PCDH15: variants seen among roughly 807,000 people sequenced by gnomAD.
The protein encoded by PCDH15 is protocadherin related 15.
In PCDH15, 129 loss-of-function variants were observed where a neutral mutation model predicts 178.5. The observed-to-expected ratio is 0.72, with a 90% CI of 0.63 to 0.84. The LOEUF (loss-of-function observed/expected upper bound fraction) is 0.84, where lower values mean the gene tolerates loss of function less well. PCDH15 is among the 40% of genes least tolerant of loss of function. PCDH15 has a pLI of 0.00. For synonymous variants in PCDH15, 800 were observed against 732.0 expected, an observed-to-expected ratio of 1.09 and a Z score of -1.50; for missense variants, 2,230 against 2,099.9, an observed-to-expected ratio of 1.06 and a Z score of -1.21.
chr10:54,738,905 G>A (rs550575992), intron 1 of PCDH15, among the ~76,000 whole-genome samples: 8 of 152,012 alleles, frequency 5.3e-5, no homozygotes, highest in African/African-American at 1.9e-4. Flanking sequence ...TATAAAAGAA[G>A]TATACCTCAA....
chr10:55,267,187 C>T (rs949938196), intron 1 of PCDH15, among the ~76,000 whole-genome samples: 3 of 152,162 alleles, frequency 2.0e-5, no homozygotes, highest in African/African-American at 7.2e-5. Context: ...TACACATACA[C>T]ACACACATAT....
At chr10:54,952,631 G>T (rs934141295) in intron 2 of PCDH15, among the ~76,000 whole-genome samples, 3 of 151,676 alleles carry the variant, frequency 2.0e-5, no homozygotes, top group Non-Finnish European at 4.4e-5. Context: ...AATATACATA[G>T]AATATCTTTC....
At chr10:54,193,787 G>A (rs1247290984) in intron 11 of PCDH15, among the ~76,000 whole-genome samples, 5 of 152,034 alleles carry the variant, frequency 3.3e-5, no homozygotes, top group Admixed American at 6.6e-5. Context: ...AATATAGAGT[G>A]CTTAAAATTG....
chr10:53,855,904 G>GTATGTATA (rs147606526), intron 28 of PCDH15, among the ~76,000 whole-genome samples: 1 of 109,688 alleles, frequency 9.1e-6, no homozygotes, highest in African/African-American at 3.8e-5. Context: ...AAGGTGATAT[G>GTATGTATA]TATATATATA....
intron 1 of PCDH15, among the ~76,000 whole-genome samples, chr10:55,292,521 A>C (rs1331878173): frequency 2.6e-5 from 4 of 152,018 alleles, no homozygotes; most frequent in Non-Finnish European, 5.9e-5. Context: ...AGCTGATATA[A>C]CAGGTGCTCG....
intron 2 of PCDH15, among the ~76,000 whole-genome samples, chr10:54,996,217 C>T (rs1839640300): frequency 6.6e-6 from 1 of 152,132 alleles, no homozygotes; most frequent in Non-Finnish European, 1.5e-5. Context: ...TCTCTTCGGC[C>T]CTGCCACTTC....
At position 54,942,689 on chromosome 10, in the gene PCDH15, C is replaced by T. The variant is rs181667590; in HGVS notation, c.-79-45189G>A. Among the ~76,000 whole-genome samples the T allele has an allele frequency of 2.6e-5, 4 of 151,934 alleles. No homozygotes were observed. The South Asian group carries it at 8.3e-4, about 32-fold the overall frequency. ...ATGTAGCACAAGGTCAAAGGCTTAC[C>T]TTTACAACTTCCTTATTTCTTATAG... On this transcript the variant is annotated intron_variant, in intron 2 of 5. Transcript: ENST00000458638.
At chr10:54,531,258 G>A (rs552734597) in intron 2 of PCDH15, among the ~76,000 whole-genome samples, 1 of 152,094 alleles carries the variant, frequency 6.6e-6, no homozygotes, top group South Asian at 2.1e-4. Flanking sequence ...TAGCCTGTTA[G>A]GCCTATACTC....
At chr10:54,549,289 A>G (rs1476150471) in intron 2 of PCDH15, among the ~76,000 whole-genome samples, 4 of 151,694 alleles carry the variant, frequency 2.6e-5, no homozygotes, top group African/African-American at 9.7e-5. Flanking sequence ...CTTCTTTTCA[A>G]CCATGAGAAG....
At chr10:54,779,804 A>G (rs1023157008) in intron 1 of PCDH15, among the ~76,000 whole-genome samples, 7 of 151,894 alleles carry the variant, frequency 4.6e-5, no homozygotes, top group Admixed American at 6.6e-5. Context: ...TGTGCTTCCT[A>G]CATAGACCCC....
rs531752025 is a variant in PCDH15, at chr10:54,778,298, T to C, written c.-29+22627A>G. On this transcript the variant is annotated intron_variant, in intron 1 of 37. Transcript: ENST00000644397. ...TAAATTTCTAGTGTTGAGAGACACA[T>C]TTTGTGTAGATTCCCTATTTATATT... Among the ~76,000 whole-genome samples, 13 of 152,316 alleles carry C rather than the reference T, an allele frequency of 8.5e-5. No individual in the cohort carries two copies. In the South Asian group the frequency reaches 2.5e-3, roughly 29 times the overall value.
intron 3 of PCDH15, among the ~76,000 whole-genome samples, chr10:54,524,348 C>T (rs1372129936): frequency 2.0e-5 from 3 of 152,224 alleles, no homozygotes; most frequent in Non-Finnish European, 4.4e-5. Context: ...TGTACAGTCA[C>T]AGTGGTGTGT....
At chr10:54,377,913 T>G (rs1429547857) in intron 4 of PCDH15, among the ~76,000 whole-genome samples, 1 of 151,990 alleles carries the variant, frequency 6.6e-6, no homozygotes, top group Admixed American at 6.6e-5. Context: ...TCCAACTACG[T>G]TGGTAATTTA....
At chr10:54,411,815 C>T (rs1419078601) in intron 3 of PCDH15, among the ~76,000 whole-genome samples, 1 of 152,150 alleles carries the variant, frequency 6.6e-6, no homozygotes, top group Non-Finnish European at 1.5e-5. Flanking sequence ...ATTGATACAA[C>T]TTGTCAGAGA....
At chr10:54,037,826 G>A (rs1226686301) in intron 18 of PCDH15, among the ~76,000 whole-genome samples, 1 of 152,018 alleles carries the variant, frequency 6.6e-6, no homozygotes, top group African/African-American at 2.4e-5. Flanking sequence ...CTTAAAGTCT[G>A]AGGAGTCTAA....
intron 1 of PCDH15, among the ~76,000 whole-genome samples, chr10:55,280,444 ATT>A (rs1170034467): frequency 8.7e-5 from 8 of 92,076 alleles, no homozygotes; most frequent in African/African-American, 1.3e-4. Flanking sequence ...GCACCCAGCT[ATT>A]TTTTTTTTTT....
intron 32 of PCDH15, among the ~76,000 whole-genome samples, chr10:53,820,481 A>G (rs895497090): frequency 4.6e-5 from 7 of 152,072 alleles, no homozygotes; most frequent in Admixed American, 6.6e-5. Context: ...TATACTTCCA[A>G]TAGTAATTAT....
chr10:54,049,749 T>C (rs2093728648), intron 18 of PCDH15, among the ~76,000 whole-genome samples: 1 of 152,038 alleles, frequency 6.6e-6, no homozygotes, highest in Admixed American at 6.6e-5. Context: ...GCCTCCCAAG[T>C]AGCTTGCACT....
chr10:54,342,275 C>T (rs999607245), intron 6 of PCDH15, among the ~76,000 whole-genome samples: 1 of 152,162 alleles, frequency 6.6e-6, no homozygotes, highest in African/African-American at 2.4e-5. Context: ...GACCAGGGCC[C>T]CACTGCTCTG....
Sources: gnomAD v4.1 joint callset for allele counts (sites outside exome capture counted in the v4.1 genomes callset) on GRCh38, gnomAD v4.1.1 for gene constraint, MANE v1.5 for transcripts, NCBI Gene and HGNC (gene_info 2026-07-23, HGNC 2026-07-21) for gene names.